The following SH3D19 variants were observed in gnomAD, a reference collection of about 807,000 sequenced individuals.
The protein encoded by SH3D19 is SH3 domain containing 19.
Under a neutral mutation model 112.1 loss-of-function variants are expected in SH3D19, and 58 were observed. The observed-to-expected ratio is 0.52, with a 90% CI of 0.42 to 0.64. The LOEUF is 0.64. SH3D19 is among the 30% of genes least tolerant of loss of function. The pLI is 0.00. For synonymous variants in SH3D19, 391 were observed against 448.5 expected, an observed-to-expected ratio of 0.87 and a Z score of 1.62; for missense variants, 1,090 against 1,263.4, an observed-to-expected ratio of 0.86 and a Z score of 2.08.
chr4:151,152,891 A>G (rs1474921613), intron 9 of SH3D19, among the ~76,000 whole-genome samples: 1 of 151,386 alleles, frequency 6.6e-6, no homozygotes, highest in Non-Finnish European at 1.5e-5. Context: ...GCTAGAGTGT[A>G]GTGGCACGAT....
At chr4:151,196,565 G>GC (rs1763500258) in intron 2 of SH3D19, among the ~76,000 whole-genome samples, 1 of 146,794 alleles carries the variant, frequency 6.8e-6, no homozygotes, top group African/African-American at 2.5e-5. Flanking sequence ...TATAGTATTA[G>GC]TTTTTTTTTT....
At chr4:151,265,832 G>A (rs757442377) in intron 1 of SH3D19, among the ~76,000 whole-genome samples, 3 of 151,908 alleles carry the variant, frequency 2.0e-5, no homozygotes, top group Admixed American at 1.3e-4. Context: ...CGATCCACCC[G>A]CCTCAGCCTT....
chr4:151,162,088 C>T (rs1419779076), intron 8 of SH3D19, among the ~76,000 whole-genome samples: 3 of 151,872 alleles, frequency 2.0e-5, no homozygotes, highest in Admixed American at 6.6e-5. Context: ...CCTATCAACC[C>T]GTCATCCAGG....
At chr4:151,266,146 A>G (rs922624167) in intron 1 of SH3D19, 3 of 152,252 alleles carry the variant, frequency 2.0e-5, no homozygotes, top group Non-Finnish European at 2.9e-5. Flanking sequence ...GCAACGTACT[A>G]GGAATGAGAT....
rs1765654650 is a variant in SH3D19, at chr4:151,209,691, A to C, written c.152+16356T>G. 2.0e-5 allele frequency among the ~76,000 whole-genome samples: 3 copies of C among 152,172 alleles called. No homozygotes were observed. The South Asian group carries it at 6.2e-4, about 31-fold the overall frequency. On this transcript the variant is annotated intron_variant, in intron 2 of 19. Transcript: ENST00000604030. ...CTTTGGATCACCCTAAAAGTTTCCCAAATTTGGGCACAGACAGTCCAGATT... is the reference window on the plus strand; with the variant it reads ...CTTTGGATCACCCTAAAAGTTTCCCCAATTTGGGCACAGACAGTCCAGATT...
At chr4:151,259,519 G>T (rs13150868) in intron 1 of SH3D19, 54,592 of 152,322 alleles carry the variant, frequency 0.36, 10,889 homozygotes, top group Non-Finnish European at 0.44. Context: ...GCCTCAGGCT[G>T]GGGGGCTAGT....
rs1759768068 is a variant in SH3D19 at position 151,175,270 on chromosome 4, G to A, written c.934C>T (p.Pro312Ser). 4 of 1,614,036 alleles carry A rather than the reference G, an allele frequency of 2.5e-6. No individual in the cohort carries two copies. Among genetic ancestry groups the A allele is most frequent in the Non-Finnish European group, 3.4e-6 (4 of 1,180,034 alleles). Residue 312 changes from proline to serine, a missense_variant, in exon 7 of 20, where the codon CCC (proline) becomes TCC (serine). Transcript: ENST00000604030. Reference sequence around the variant, plus strand: ...CGTGGAGTAATTTCTGGTTTCTTGGGCAGTCCTGAGGTTTCTATGTTTGTC... The same window carrying A: ...CGTGGAGTAATTTCTGGTTTCTTGGACAGTCCTGAGGTTTCTATGTTTGTC... Reference protein sequence around the residue: ...GQTNIETSGLPKKPEITPRSL... With the variant: ...GQTNIETSGLSKKPEITPRSL...
chr4:151,137,273 A>AT (rs35550686), intron 14 of SH3D19, among the ~76,000 whole-genome samples: 17 of 151,972 alleles, frequency 1.1e-4, no homozygotes, highest in South Asian at 6.3e-4. Context: ...TCCCAAATAA[A>AT]TTTTTTTTTA....
intron 3 of SH3D19, among the ~76,000 whole-genome samples, chr4:151,182,257 A>C (rs1391852398): frequency 6.6e-6 from 1 of 152,098 alleles, no homozygotes; most frequent in Non-Finnish European, 1.5e-5. Context: ...CTAAAGTGCT[A>C]GGATTACAGG....
At chr4:151,235,350 A>G (rs1769960984) in intron 1 of SH3D19, among the ~76,000 whole-genome samples, 1 of 152,242 alleles carries the variant, frequency 6.6e-6, no homozygotes, top group Non-Finnish European at 1.5e-5. Flanking sequence ...GATATGCTAT[A>G]AGCAAGGCAA....
chr4:151,140,590 C>G (rs1752813339), intron 12 of SH3D19: 1 of 152,182 alleles, frequency 6.6e-6, no homozygotes, highest in African/African-American at 2.4e-5. Flanking sequence ...AATTGTTATT[C>G]TTAGTTTCTT....
rs7690994 is a variant in SH3D19 at position 151,150,248 on chromosome 4, T to C, written c.1756-687A>G. Among the ~76,000 whole-genome samples, 274 of 41,082 alleles carry C rather than the reference T, an allele frequency of 6.7e-3. 10 individuals carry two copies. The highest frequency in any genetic ancestry group is 9.8e-3 in the East Asian group (14 of 1,426). 27.0% of individuals were successfully genotyped at this position (41,082 alleles called of 152,430 possible). Reference sequence around the variant, plus strand: ...ATATATACACACACACATATATATATATACACACATATATATACATATATA... The same window carrying C: ...ATATATACACACACACATATATATACATACACACATATATATACATATATA... On this transcript the variant is annotated intron_variant, in intron 9 of 19. Coordinates refer to ENST00000604030, the MANE Select transcript of SH3D19 (RefSeq NM_001378122.1).
intron 2 of SH3D19, among the ~76,000 whole-genome samples, chr4:151,200,291 A>T (rs1021819939): frequency 6.6e-6 from 1 of 152,174 alleles, no homozygotes; most frequent in African/African-American, 2.4e-5. Flanking sequence ...GTATAATTAC[A>T]TTTATACAAA....
intron 2 of SH3D19, among the ~76,000 whole-genome samples, chr4:151,209,929 T>C (rs973445141): frequency 6.6e-6 from 1 of 152,178 alleles, no homozygotes; most frequent in Non-Finnish European, 1.5e-5. Flanking sequence ...CATTATAACA[T>C]AAAAATATGA....
At chr4:151,179,301 C>T (rs944594117) in intron 4 of SH3D19, 54 bp downstream of exon 4, 83 of 1,041,136 alleles carry the variant, frequency 8.0e-5, no homozygotes, top group Non-Finnish European at 9.6e-5. Context: ...TGATAACACA[C>T]TTTTACTCAA....
intron 1 of SH3D19, among the ~76,000 whole-genome samples, chr4:151,294,924 C>T (rs1202256923): frequency 1.3e-5 from 2 of 152,048 alleles, no homozygotes; most frequent in Non-Finnish European, 2.9e-5. Flanking sequence ...TGATAGAGGC[C>T]TAAACAGAGG....
chr4:151,139,985 C>T (rs1294906285), intron 12 of SH3D19, 138 bp from the exon 13 acceptor site: 1 of 603,702 alleles, frequency 1.7e-6, no homozygotes, highest in Admixed American at 3.0e-5. Flanking sequence ...GCAAACCACA[C>T]AGTTGAGCCA....
At chr4:151,270,361 C>T (rs1191064136) in intron 1 of SH3D19, among the ~76,000 whole-genome samples, 2 of 152,086 alleles carry the variant, frequency 1.3e-5, no homozygotes, top group African/African-American at 4.8e-5. Context: ...TATGGCACCT[C>T]CCCACTCTCT....
At chr4:151,271,636 T>C (rs1773231435) in intron 1 of SH3D19, among the ~76,000 whole-genome samples, 1 of 152,128 alleles carries the variant, frequency 6.6e-6, no homozygotes. Context: ...AGTGCCAAGG[T>C]TGAGAAGCCC....
Sources: gnomAD v4.1 joint callset for allele counts (sites outside exome capture counted in the v4.1 genomes callset) on GRCh38, gnomAD v4.1.1 for gene constraint, MANE v1.5 for transcripts, NCBI Gene and HGNC (gene_info 2026-07-23, HGNC 2026-07-21) for gene names.